Variants in RGS6 observed in about 807,000 individuals in gnomAD.
RGS6 encodes the protein regulator of G-protein signaling 6.
In RGS6, 30 loss-of-function variants were observed where a neutral mutation model predicts 78.5. The observed-to-expected ratio is 0.38, with a 90% CI of 0.29 to 0.52. The LOEUF is 0.52. Ranked by LOEUF, RGS6 falls within the 20% of genes least tolerant of loss-of-function variation. The pLI, the probability that RGS6 is intolerant of heterozygous loss-of-function variation, is 0.85. For synonymous variants in RGS6, 206 were observed against 206.0 expected (o/e 1.00, Z 0.00); for missense variants, 495 against 609.7 (o/e 0.81, Z 1.98).
chr14:72,493,240 T>G (rs56884598), intron 12 of RGS6, among the ~76,000 whole-genome samples: 2 of 152,236 alleles, frequency 1.3e-5, no homozygotes, highest in Non-Finnish European at 2.9e-5. Context: ...AAAAGGAACT[T>G]GGAAGAACCA....
rs112868757 is a variant in RGS6 at position 72,470,645 on chromosome 14, A to AGG, written c.536+563_536+564dup. Among the ~76,000 whole-genome samples the AGG allele has an allele frequency of 3.8e-3, 570 of 151,762 alleles. 1 individual carries two copies. Among genetic ancestry groups the AGG allele is most frequent in the Non-Finnish European group, 4.0e-3 (275 of 67,914 alleles). ...GTAATCCCAGCACTTTGTGAGACCG[A>AGG]GGTGGGGGTGGATCACCTGAGGTCA... On this transcript the variant is annotated intron_variant, in intron 8 of 17. Transcript: ENST00000553525.
At position 72,402,587 on chromosome 14, in the gene RGS6, C is replaced by T. The variant is rs564988703; in HGVS notation, c.184+50393C>T. ...TCACCCCAGTTAGAACGGCTATGAT[C>T]AAAAAGACAAAAAATAACAAATGCT... On this transcript the variant is annotated intron_variant, in intron 3 of 17. Transcript: ENST00000553525. Among the ~76,000 whole-genome samples, 115 of 151,720 alleles carry T rather than the reference C, an allele frequency of 7.6e-4. 1 individual carries two copies. The highest frequency in any genetic ancestry group is 2.6e-3 in the African/African-American group (108 of 41,394).
chr14:72,315,587 T>C (rs1051800212), intron 2 of RGS6, among the ~76,000 whole-genome samples: 7 of 152,238 alleles, frequency 4.6e-5, no homozygotes, highest in Non-Finnish European at 1.0e-4. Flanking sequence ...TTGATACTCC[T>C]AAGTTAATTA....
intron 2 of RGS6, among the ~76,000 whole-genome samples, chr14:72,344,454 C>A (rs540509890): frequency 1.2e-4 from 19 of 152,136 alleles, no homozygotes; most frequent in Non-Finnish European, 2.8e-4. Flanking sequence ...GTTATGGAAT[C>A]CATTCGCAAA....
rs112496189 is a variant in RGS6, at chr14:72,146,006, A to T, written c.84+181131A>T. On this transcript the variant is annotated intron_variant, in intron 2 of 17. Transcript: ENST00000553525. ...AGTAATTTATTTTAAAAACTCAGAA[A>T]TTTATTTTTTACGGTTCCAGAGGCT... 4.3e-3 allele frequency among the ~76,000 whole-genome samples: 648 copies of T among 152,272 alleles called. 1 individual carries two copies. The highest frequency in any genetic ancestry group is 0.015 in the African/African-American group (603 of 41,554).
chr14:72,492,580 G>A (rs2096592369), intron 12 of RGS6, among the ~76,000 whole-genome samples: 1 of 152,206 alleles, frequency 6.6e-6, no homozygotes, highest in Non-Finnish European at 1.5e-5. Context: ...ATGGGAGACG[G>A]GGGCAGGAGA....
chr14:71,980,170 G>T, intron 2 of RGS6, among the ~76,000 whole-genome samples: 15 of 105,990 alleles, frequency 1.4e-4, no homozygotes, highest in East Asian at 2.6e-4. Context: ...CACATGAGAT[G>T]GGTTTCCTGA....
intron 2 of RGS6, among the ~76,000 whole-genome samples, chr14:72,026,173 A>G (rs1414650643): frequency 6.6e-6 from 1 of 151,908 alleles, no homozygotes; most frequent in Non-Finnish European, 1.5e-5. Context: ...TTGGGAGGCC[A>G]AGGCAGGTGA....
intron 2 of RGS6, among the ~76,000 whole-genome samples, chr14:72,121,350 A>G (rs1311789012): frequency 1.3e-5 from 2 of 152,186 alleles, no homozygotes; most frequent in Non-Finnish European, 2.9e-5. Context: ...GGTCTTGAAT[A>G]GCTTAAACAT....
intron 2 of RGS6, among the ~76,000 whole-genome samples, chr14:72,257,751 C>A (rs2057364688): frequency 6.6e-6 from 1 of 152,114 alleles, no homozygotes; most frequent in South Asian, 2.1e-4. Flanking sequence ...AAGGGCCAAG[C>A]TGATTTACAA....
At chr14:71,946,828 C>G (rs17768231) in intron 1 of RGS6, among the ~76,000 whole-genome samples, 16,945 of 152,160 alleles carry the variant, frequency 0.11, 1,065 homozygotes, top group Admixed American at 0.14. Flanking sequence ...CCTTAAAAAC[C>G]TTTCTGGCAG....
intron 2 of RGS6, among the ~76,000 whole-genome samples, chr14:72,115,595 G>A (rs1414273263): frequency 1.3e-5 from 2 of 152,066 alleles, no homozygotes; most frequent in African/African-American, 4.8e-5. Context: ...TCTGCTTCCT[G>A]CCCCCTCAGC....
intron 2 of RGS6, among the ~76,000 whole-genome samples, chr14:72,231,123 C>G (rs960466204): frequency 6.6e-6 from 1 of 152,060 alleles, no homozygotes; most frequent in South Asian, 2.1e-4. Flanking sequence ...ACGTTGCTGT[C>G]GAGAGAATGG....
intron 4 of RGS6, among the ~76,000 whole-genome samples, chr14:72,457,536 C>T (rs1306037787): frequency 1.3e-5 from 2 of 152,052 alleles, no homozygotes; most frequent in Non-Finnish European, 2.9e-5. Flanking sequence ...TGAGCTCAAG[C>T]AATCCGCCTG....
rs566789322 is a variant in RGS6 at position 72,453,473 on chromosome 14, G to A, written c.185-1055G>A. On this transcript the variant is annotated intron_variant, in intron 3 of 17. Coordinates refer to ENST00000553525, the MANE Select transcript of RGS6 (RefSeq NM_001204424.2). The stretch of plus-strand genomic sequence containing the variant: ...TACTAAAAATACAAAAAAATTAGCC[G>A]GGCGTAGTGGCAGGCGCCTGTAGTC... Among the ~76,000 whole-genome samples, 67 of 149,582 alleles carry A rather than the reference G, an allele frequency of 4.5e-4. 2 individuals carry two copies. The highest frequency in any genetic ancestry group is 2.0e-3 in the East Asian group (10 of 5,060).
At chr14:72,523,834 A>T (rs909655662) in intron 15 of RGS6, among the ~76,000 whole-genome samples, 2 of 149,230 alleles carry the variant, frequency 1.3e-5, no homozygotes, top group Non-Finnish European at 3.0e-5. Flanking sequence ...GGCCATGATT[A>T]TTTTTTTTTA....
chr14:72,435,361 C>A (rs1250763438), intron 3 of RGS6, among the ~76,000 whole-genome samples: 1 of 152,178 alleles, frequency 6.6e-6, no homozygotes, highest in East Asian at 1.9e-4. Flanking sequence ...CTCCTTCCTT[C>A]CTTAGTAATA....
At chr14:72,059,726 G>A (rs2093798442) in intron 2 of RGS6, among the ~76,000 whole-genome samples, 1 of 152,108 alleles carries the variant, frequency 6.6e-6, no homozygotes, top group Non-Finnish European at 1.5e-5. Flanking sequence ...ATGATGGTGG[G>A]ACCCTCTTGA....
At chr14:72,071,846 A>G (rs1035640289) in intron 2 of RGS6, among the ~76,000 whole-genome samples, 8 of 152,140 alleles carry the variant, frequency 5.3e-5, no homozygotes, top group Non-Finnish European at 1.0e-4. Context: ...TGTTTTCACG[A>G]TGTCTTGTAT....
Sources: allele counts gnomAD v4.1 joint callset (sites outside exome capture counted in the v4.1 genomes callset), GRCh38; gene constraint gnomAD v4.1.1; transcripts MANE v1.5; gene names NCBI Gene and HGNC (gene_info 2026-07-23, HGNC 2026-07-21).